The following PRKCE variants were observed in gnomAD, a reference collection of about 807,000 sequenced individuals.
The protein encoded by PRKCE is protein kinase C epsilon type.
In PRKCE, 16 loss-of-function variants were observed where a neutral mutation model predicts 85.4. The observed-to-expected ratio is 0.19, with a 90% CI of 0.13 to 0.28. PRKCE has a LOEUF of 0.28. PRKCE is among the 10% of genes least tolerant of loss of function. The probability of loss-of-function intolerance (pLI) is 1.00; values close to 1 mark genes in which losing one functional copy is unlikely to be tolerated. For synonymous variants in PRKCE, 388 were observed against 371.5 expected (o/e 1.04, Z -0.51); for missense variants, 573 against 975.2 (o/e 0.59, Z 5.49).
intron 1 of PRKCE, among the ~76,000 whole-genome samples, chr2:45,829,080 T>A (rs906290778): frequency 2.4e-4 from 37 of 152,284 alleles, no homozygotes; most frequent in African/African-American, 7.9e-4. Flanking sequence ...CTACAATTTA[T>A]TTAAATAATT....
intron 1 of PRKCE, among the ~76,000 whole-genome samples, chr2:45,714,012 AC>A (rs1443687731): frequency 3.9e-5 from 6 of 152,250 alleles, no homozygotes; most frequent in Admixed American, 3.9e-4. Flanking sequence ...TTTTAATTTT[AC>A]CAAGTAAGAA....
intron 1 of PRKCE, among the ~76,000 whole-genome samples, chr2:45,781,643 G>A (rs549838915): frequency 2.6e-4 from 39 of 151,476 alleles, no homozygotes; most frequent in Non-Finnish European, 4.6e-4. Context: ...ACCCGCGCCC[G>A]CCCCCCGGCC....
At chr2:46,048,277 C>G (rs940412857) in intron 10 of PRKCE, among the ~76,000 whole-genome samples, 1 of 152,198 alleles carries the variant, frequency 6.6e-6, no homozygotes, top group Non-Finnish European at 1.5e-5. Flanking sequence ...GACATGGAGA[C>G]AGTACTCCCT....
Position 45,764,240 on chromosome 2 carries a change from G to A in PRKCE, c.349-78760G>A, listed in dbSNP as rs576649608. ...GCAAAGCCCACCTGTACGAATGTCC[G>A]TAGGTGAAAATATTGGCCCATTTAA... is the stretch of plus-strand genomic sequence containing the variant. On this transcript the variant is annotated intron_variant, in intron 1 of 14. Coordinates refer to ENST00000306156, the MANE Select transcript of PRKCE (RefSeq NM_005400.3). Among the ~76,000 whole-genome samples, 23 of 152,284 alleles carry A rather than the reference G, an allele frequency of 1.5e-4. No homozygotes were observed. In the South Asian group the frequency reaches 3.7e-3, roughly 25 times the overall value.
At chr2:45,692,720 C>T (rs1019830742) in intron 1 of PRKCE, among the ~76,000 whole-genome samples, 2 of 151,630 alleles carry the variant, frequency 1.3e-5, no homozygotes, top group Non-Finnish European at 2.9e-5. Flanking sequence ...CACACACACA[C>T]ACACACACAC....
intron 2 of PRKCE, among the ~76,000 whole-genome samples, chr2:45,952,963 C>G (rs1459350900): frequency 6.6e-6 from 1 of 152,176 alleles, no homozygotes; most frequent in Non-Finnish European, 1.5e-5. Context: ...GCTGAGTTCA[C>G]CCTGACATCT....
chr2:45,838,803 A>G (rs1210528218), intron 1 of PRKCE, among the ~76,000 whole-genome samples: 1 of 152,100 alleles, frequency 6.6e-6, no homozygotes, highest in Non-Finnish European at 1.5e-5. Flanking sequence ...GATATTCACA[A>G]CAACACTGTA....
chr2:45,957,917 A>AT (rs11403708), intron 2 of PRKCE, among the ~76,000 whole-genome samples: 82,451 of 135,314 alleles, frequency 0.61, 25,162 homozygotes, highest in East Asian at 0.7. Flanking sequence ...CTGTGTCTCT[A>AT]TTTTTTTTTT....
chr2:46,010,303 C>A (rs760078089), intron 9 of PRKCE, 41 bp from the exon 10 acceptor site: 6 of 1,512,496 alleles, frequency 4.0e-6, no homozygotes, highest in Non-Finnish European at 5.3e-6. Flanking sequence ...CTTTTTATTC[C>A]ATACATGCAT....
At chr2:46,056,950 G>A (rs1050336677) in intron 10 of PRKCE, among the ~76,000 whole-genome samples, 2 of 152,216 alleles carry the variant, frequency 1.3e-5, no homozygotes, top group Non-Finnish European at 2.9e-5. Context: ...AGGCTCAGCT[G>A]GTTGGTTCTG....
intron 4 of PRKCE, among the ~76,000 whole-genome samples, chr2:45,979,511 G>A (rs1035951314): frequency 2.6e-5 from 4 of 152,136 alleles, no homozygotes; most frequent in African/African-American, 9.7e-5. Flanking sequence ...TCACTTGAAG[G>A]TATTGAAGAT....
At chr2:46,029,174 C>T (rs547331544) in intron 10 of PRKCE, among the ~76,000 whole-genome samples, 1 of 152,072 alleles carries the variant, frequency 6.6e-6, no homozygotes, top group African/African-American at 2.4e-5. Flanking sequence ...TGTTGATTAA[C>T]TTAATCTTTG....
chr2:45,720,323 C>T (rs1416389562), intron 1 of PRKCE, among the ~76,000 whole-genome samples: 1 of 152,134 alleles, frequency 6.6e-6, no homozygotes, highest in Admixed American at 6.5e-5. Context: ...AAAAGAACTA[C>T]CTGGGAGGTT....
intron 1 of PRKCE, among the ~76,000 whole-genome samples, chr2:45,716,183 G>A (rs1680070880): frequency 6.6e-6 from 1 of 152,198 alleles, no homozygotes; most frequent in South Asian, 2.1e-4. Context: ...TGTCAAGGCT[G>A]GTGCCATGGT....
At chr2:45,836,258 C>T (rs759635460) in intron 1 of PRKCE, among the ~76,000 whole-genome samples, 8 of 152,210 alleles carry the variant, frequency 5.3e-5, no homozygotes, top group African/African-American at 9.6e-5. Flanking sequence ...TTGAGAAAAA[C>T]GATCTGCCCC....
At chr2:45,719,522 G>A (rs1374380417) in intron 1 of PRKCE, among the ~76,000 whole-genome samples, 1 of 152,180 alleles carries the variant, frequency 6.6e-6, no homozygotes, top group Non-Finnish European at 1.5e-5. Context: ...GCGGGCAGTT[G>A]GCACTTGGGA....
At chr2:46,023,798 T>TGATTTGGGGATGCATA (rs1706880182) in intron 10 of PRKCE, among the ~76,000 whole-genome samples, 1 of 152,204 alleles carries the variant, frequency 6.6e-6, no homozygotes, top group African/African-American at 2.4e-5. Flanking sequence ...GCTTCTGGTG[T>TGATTTGGGGATGCATA]AGCCTGAAAG....
intron 1 of PRKCE, among the ~76,000 whole-genome samples, chr2:45,666,084 CT>C (rs1194021929): frequency 6.6e-6 from 1 of 152,144 alleles, no homozygotes; most frequent in Non-Finnish European, 1.5e-5. Context: ...TTCTCCTCCC[CT>C]GATGGTGAAT....
At chr2:45,711,171 G>A (rs1324538575) in intron 1 of PRKCE, among the ~76,000 whole-genome samples, 1 of 152,162 alleles carries the variant, frequency 6.6e-6, no homozygotes, top group Non-Finnish European at 1.5e-5. Flanking sequence ...CACAGGCAAG[G>A]TACTTATCCC....
Sources: gnomAD v4.1 joint callset for allele counts (sites outside exome capture counted in the v4.1 genomes callset) on GRCh38, gnomAD v4.1.1 for gene constraint, MANE v1.5 for transcripts, NCBI Gene and HGNC (gene_info 2026-07-23, HGNC 2026-07-21) for gene names.